The following CDH13 variants were observed in gnomAD, a reference collection of about 807,000 sequenced individuals.
The protein encoded by CDH13 is cadherin 13.
Under a neutral mutation model 63.8 loss-of-function variants are expected in CDH13, and 24 were observed. The ratio of observed to expected loss-of-function variants is 0.38; its 90% confidence interval spans 0.27 to 0.53. The LOEUF (loss-of-function observed/expected upper bound fraction) is 0.53, where lower values mean the gene tolerates loss of function less well. Among genes scored for constraint, CDH13 ranks in the 20% least tolerant of loss-of-function variants. The probability of loss-of-function intolerance (pLI) is 0.85; values close to 1 mark genes in which losing one functional copy is unlikely to be tolerated. For synonymous variants in CDH13, 503 were observed against 355.3 expected (o/e 1.42, Z -4.67); for missense variants, 1,049 against 903.1 (o/e 1.16, Z -2.07).
chr16:83,383,878 G>C (rs2091619731), intron 6 of CDH13, among the ~76,000 whole-genome samples: 1 of 152,170 alleles, frequency 6.6e-6, no homozygotes, highest in African/African-American at 2.4e-5. Flanking sequence ...TATTTGGTGA[G>C]GTTGTGGCTG....
At chr16:83,293,524 A>G (rs757395722) in intron 5 of CDH13, among the ~76,000 whole-genome samples, 38 of 152,216 alleles carry the variant, frequency 2.5e-4, no homozygotes, top group Non-Finnish European at 5.3e-4. Context: ...GAATGTCGTC[A>G]TCTTTATAGA....
chr16:82,785,131 G>A (rs554988407), intron 1 of CDH13, among the ~76,000 whole-genome samples: 1 of 152,152 alleles, frequency 6.6e-6, no homozygotes, highest in Non-Finnish European at 1.5e-5. Flanking sequence ...TTTCAGGGGA[G>A]AGACGGGGGC....
At chr16:83,074,142 A>C (rs2032651413) in intron 3 of CDH13, among the ~76,000 whole-genome samples, 1 of 152,168 alleles carries the variant, frequency 6.6e-6, no homozygotes. Context: ...TTACCCTCCC[A>C]GACCGACAAA....
intron 5 of CDH13, among the ~76,000 whole-genome samples, chr16:83,272,037 A>G (rs1467573953): frequency 1.3e-5 from 2 of 152,070 alleles, no homozygotes. Context: ...TATCTCTCTT[A>G]ATTTTCATAT....
chr16:83,655,686 C>T (rs1211399426), intron 8 of CDH13, among the ~76,000 whole-genome samples: 1 of 152,186 alleles, frequency 6.6e-6, no homozygotes, highest in Non-Finnish European at 1.5e-5. Flanking sequence ...AATGTCAGCT[C>T]CATGAGGGCA....
intron 8 of CDH13, among the ~76,000 whole-genome samples, chr16:83,629,692 T>C (rs1294706677): frequency 6.6e-6 from 1 of 152,186 alleles, no homozygotes; most frequent in Non-Finnish European, 1.5e-5. Flanking sequence ...AGAAGTCTAC[T>C]CTCCACTTCA....
At chr16:83,369,502 T>G (rs2091323231) in intron 6 of CDH13, among the ~76,000 whole-genome samples, 1 of 152,150 alleles carries the variant, frequency 6.6e-6, no homozygotes, top group Non-Finnish European at 1.5e-5. Context: ...CACTGCAGCA[T>G]CTAGCTCCAA....
At chr16:83,574,960 C>G (rs57985238) in intron 7 of CDH13, among the ~76,000 whole-genome samples, 52,225 of 152,092 alleles carry the variant, frequency 0.34, 10,541 homozygotes, top group East Asian at 0.58. Context: ...TTAATAGCAA[C>G]ATTACGATAA....
intron 10 of CDH13, among the ~76,000 whole-genome samples, chr16:83,731,071 G>A (rs1910992571): frequency 6.6e-6 from 1 of 152,200 alleles, no homozygotes; most frequent in African/African-American, 2.4e-5. Context: ...CCATTGATGA[G>A]CACCTGGATT....
At chr16:83,780,573 T>A (rs1206656812) in intron 12 of CDH13, among the ~76,000 whole-genome samples, 1 of 152,218 alleles carries the variant, frequency 6.6e-6, no homozygotes, top group African/African-American at 2.4e-5. Context: ...ATACATTGCA[T>A]AGTGGTGAAA....
chr16:82,639,441 C>T (rs1909113053), intron 1 of CDH13: 1 of 1,535,220 alleles, frequency 6.5e-7, no homozygotes, highest in African/African-American at 1.4e-5. Context: ...CTGGGCGTGA[C>T]CCACCTGCAG....
At chr16:83,594,228 A>G (rs568306910) in intron 7 of CDH13, among the ~76,000 whole-genome samples, 4 of 152,210 alleles carry the variant, frequency 2.6e-5, no homozygotes, top group Non-Finnish European at 4.4e-5. Context: ...CTACTAAATA[A>G]TAGCAGTAGC....
intron 2 of CDH13, 80 bp from the exon 3 acceptor site, chr16:83,031,930 C>A: frequency 8.9e-7 from 1 of 1,120,654 alleles, no homozygotes; most frequent in Non-Finnish European, 1.3e-6. Flanking sequence ...TGGTAATTCA[C>A]ACTTAATAGG....
chr16:83,242,219 G>A (rs1265796351), intron 5 of CDH13, among the ~76,000 whole-genome samples: 1 of 152,128 alleles, frequency 6.6e-6, no homozygotes, highest in Non-Finnish European at 1.5e-5. Flanking sequence ...ATACAATTTT[G>A]ATTACCATTG....
chr16:82,634,538 C>T (rs904620503), intron 1 of CDH13, among the ~76,000 whole-genome samples: 6 of 152,146 alleles, frequency 3.9e-5, no homozygotes, highest in Non-Finnish European at 8.8e-5. Context: ...GGCCCGTGAG[C>T]CAATTTCTCC....
chr16:83,236,432 A>G (rs2040146012), intron 5 of CDH13, among the ~76,000 whole-genome samples: 1 of 152,234 alleles, frequency 6.6e-6, no homozygotes, highest in Non-Finnish European at 1.5e-5. Context: ...AGCTCTTAAT[A>G]ACATCCTATA....
At chr16:83,067,686 A>T (rs1218001986) in intron 3 of CDH13, among the ~76,000 whole-genome samples, 1 of 152,244 alleles carries the variant, frequency 6.6e-6, no homozygotes, top group Admixed American at 6.5e-5. Flanking sequence ...ATGACTGAAT[A>T]ACAAAAGTAG....
intron 5 of CDH13, among the ~76,000 whole-genome samples, chr16:83,238,483 A>T (rs1904283808): frequency 6.6e-6 from 1 of 152,214 alleles, no homozygotes; most frequent in African/African-American, 2.4e-5. Context: ...TTGTGGAGCT[A>T]CAATTCAAGA....
At chr16:82,849,263 G>T (rs540703265) in intron 1 of CDH13, among the ~76,000 whole-genome samples, 4 of 152,130 alleles carry the variant, frequency 2.6e-5, no homozygotes, top group African/African-American at 4.8e-5. Flanking sequence ...CAGCACTTTC[G>T]GAGACCAAAG....
Sources: gnomAD v4.1 joint callset for allele counts (sites outside exome capture counted in the v4.1 genomes callset) on GRCh38, gnomAD v4.1.1 for gene constraint, MANE v1.5 for transcripts, NCBI Gene and HGNC (gene_info 2026-07-23, HGNC 2026-07-21) for gene names.